EIF3H: variants seen among roughly 807,000 people sequenced by gnomAD.
EIF3H encodes eukaryotic translation initiation factor 3 subunit H.
In EIF3H, 26 loss-of-function variants were observed where a neutral mutation model predicts 44.2. The observed-to-expected ratio is 0.59, with a 90% confidence interval of 0.43 to 0.82. The LOEUF (loss-of-function observed/expected upper bound fraction) is 0.82. Among genes scored for constraint, EIF3H ranks in the 40% least tolerant of loss-of-function variants. The pLI is 0.00. For missense variants in EIF3H, 359 were observed against 432.8 expected, an observed-to-expected ratio of 0.83 and a Z score of 1.51; for synonymous variants, 166 against 151.9, an observed-to-expected ratio of 1.09 and a Z score of -0.68.
chr8:116,649,373 A>G (rs1414990443), intron 5 of EIF3H, among the ~76,000 whole-genome samples: 1 of 152,220 alleles, frequency 6.6e-6, no homozygotes, highest in Non-Finnish European at 1.5e-5. Flanking sequence ...TAGGTTTTAA[A>G]TGAACAATGG....
At chr8:116,727,094 A>C (rs559648428) in intron 1 of EIF3H, among the ~76,000 whole-genome samples, 16 of 152,356 alleles carry the variant, frequency 1.1e-4, no homozygotes, top group African/African-American at 3.8e-4. Context: ...GTTTCATTTA[A>C]AACAAATATA....
intron 1 of EIF3H, among the ~76,000 whole-genome samples, chr8:116,743,829 CACACACACAT>C (rs1308580588): frequency 6.9e-5 from 9 of 129,932 alleles, no homozygotes; most frequent in South Asian, 2.3e-4. Flanking sequence ...CACACACACA[CACACACACAT>C]ATATAAATAA....
chr8:116,656,838 C>A (rs1403250669), intron 4 of EIF3H, among the ~76,000 whole-genome samples: 1 of 152,146 alleles, frequency 6.6e-6, no homozygotes, highest in Non-Finnish European at 1.5e-5. Flanking sequence ...ATCTTTCCCA[C>A]CCCCTCATTA....
intron 2 of EIF3H, among the ~76,000 whole-genome samples, chr8:116,683,522 G>A (rs923454372): frequency 7.9e-5 from 12 of 152,174 alleles, no homozygotes; most frequent in African/African-American, 2.4e-4. Context: ...TCATCACACT[G>A]AGGGTTAGAA....
At chr8:116,723,608 T>C (rs1814788765) in intron 2 of EIF3H, among the ~76,000 whole-genome samples, 6 of 152,230 alleles carry the variant, frequency 3.9e-5, no homozygotes, top group Admixed American at 3.3e-4. Flanking sequence ...GTGTTTATTA[T>C]ATGCTCAAGG....
intron 2 of EIF3H, among the ~76,000 whole-genome samples, chr8:116,686,674 G>C (rs556172366): frequency 2.6e-5 from 4 of 152,016 alleles, no homozygotes; most frequent in Non-Finnish European, 4.4e-5. Context: ...ACAGGTTGTA[G>C]GGTACAGAAT....
At chr8:116,725,774 T>C (rs1241038967) in intron 2 of EIF3H, among the ~76,000 whole-genome samples, 3 of 152,212 alleles carry the variant, frequency 2.0e-5, no homozygotes, top group African/African-American at 7.2e-5. Context: ...GCACAGTTCC[T>C]ATCCAATCTA....
intron 2 of EIF3H, among the ~76,000 whole-genome samples, chr8:116,674,881 C>CA (rs1053728075): frequency 2.0e-5 from 3 of 151,670 alleles, no homozygotes; most frequent in Non-Finnish European, 2.9e-5. Flanking sequence ...AGTTCAGGTG[C>CA]AAAAAAAGTT....
At chr8:116,689,765 C>T (rs1193584849) in intron 2 of EIF3H, among the ~76,000 whole-genome samples, 4 of 152,092 alleles carry the variant, frequency 2.6e-5, no homozygotes, top group South Asian at 2.1e-4. Flanking sequence ...TCATCAAGAA[C>T]GCTGGAAACC....
intron 2 of EIF3H, among the ~76,000 whole-genome samples, chr8:116,710,849 T>C (rs960206075): frequency 6.6e-6 from 1 of 152,210 alleles, no homozygotes; most frequent in Non-Finnish European, 1.5e-5. Context: ...AAGTTCCTCC[T>C]GTGATTCTCT....
chr8:116,721,476 C>T (rs1482990382), intron 2 of EIF3H, among the ~76,000 whole-genome samples: 1 of 152,232 alleles, frequency 6.6e-6, no homozygotes, highest in Non-Finnish European at 1.5e-5. Flanking sequence ...CCCACTGGGG[C>T]ACTGCCTAGT....
chr8:116,739,403 C>A (rs1044429196), intron 1 of EIF3H, among the ~76,000 whole-genome samples: 2 of 152,246 alleles, frequency 1.3e-5, no homozygotes, highest in Non-Finnish European at 2.9e-5. Flanking sequence ...GTAATCCCAG[C>A]ACTTTTGGAG....
chr8:116,722,146 A>C (rs1206843818), intron 2 of EIF3H, among the ~76,000 whole-genome samples: 1 of 152,118 alleles, frequency 6.6e-6, no homozygotes, highest in Non-Finnish European at 1.5e-5. Flanking sequence ...AAGATAACTG[A>C]ATCACGGGAG....
At chr8:116,701,594 CATT>C (rs1214237512) in intron 2 of EIF3H, among the ~76,000 whole-genome samples, 2 of 152,296 alleles carry the variant, frequency 1.3e-5, no homozygotes, top group African/African-American at 4.8e-5. Flanking sequence ...ACATCATCAT[CATT>C]AAGACATGTT....
intron 1 of EIF3H, chr8:116,737,251 A>G (rs1247914240): frequency 2.2e-6 from 1 of 448,676 alleles, no homozygotes; most frequent in South Asian, 1.6e-5. Context: ...TAAAATCATC[A>G]GCAATATTTT....
At chr8:116,699,903 T>G (rs1016806497) in intron 2 of EIF3H, among the ~76,000 whole-genome samples, 17 of 152,048 alleles carry the variant, frequency 1.1e-4, no homozygotes, top group Non-Finnish European at 2.4e-4. Context: ...CTCTGCCTCC[T>G]GGGTTCAAGA....
intron 1 of EIF3H, among the ~76,000 whole-genome samples, chr8:116,749,111 G>A (rs1033570497): frequency 6.6e-6 from 1 of 152,060 alleles, no homozygotes; most frequent in Non-Finnish European, 1.5e-5. Flanking sequence ...TAACTTAAAG[G>A]GGAAAACAAA....
intron 1 of EIF3H, among the ~76,000 whole-genome samples, chr8:116,739,067 C>A (rs1301957958): frequency 6.6e-6 from 1 of 152,224 alleles, no homozygotes; most frequent in Non-Finnish European, 1.5e-5. Context: ...TTGACACCCA[C>A]ACTGGAAGGC....
intron 1 of EIF3H, among the ~76,000 whole-genome samples, chr8:116,744,583 T>C (rs1412209985): frequency 6.6e-6 from 1 of 152,232 alleles, no homozygotes; most frequent in African/African-American, 2.4e-5. Flanking sequence ...CACTTTGCTA[T>C]TAAACCTAAT....
Sources: allele counts gnomAD v4.1 joint callset (sites outside exome capture counted in the v4.1 genomes callset), GRCh38; gene constraint gnomAD v4.1.1; transcripts MANE v1.5; gene names NCBI Gene and HGNC (gene_info 2026-07-23, HGNC 2026-07-21).